Variants in FAM13B observed in about 807,000 individuals in gnomAD.
FAM13B encodes the protein family with sequence similarity 13 member B, also known as protein FAM13B.
In FAM13B, 60 loss-of-function variants were observed where a neutral mutation model predicts 117.3. That is an observed-to-expected ratio of 0.51 (90% CI 0.42 to 0.63). The LOEUF is 0.63. Ranked by LOEUF, FAM13B falls within the 30% of genes least tolerant of loss-of-function variation. The probability of loss-of-function intolerance (pLI) is 0.00; values close to 1 mark genes in which losing one functional copy is unlikely to be tolerated. For synonymous variants in FAM13B, 332 were observed against 356.1 expected, an observed-to-expected ratio of 0.93 and a Z score of 0.76; for missense variants, 972 against 1,091.9, an observed-to-expected ratio of 0.89 and a Z score of 1.55.
chr5:138,030,420 T>C (rs2151072134), intron 1 of FAM13B, among the ~76,000 whole-genome samples: 1 of 151,522 alleles, frequency 6.6e-6, no homozygotes, highest in South Asian at 2.1e-4. Flanking sequence ...CTTTTTTTTT[T>C]TTTTTTTCTG....
Position 137,988,280 on chromosome 5 carries a change from G to C in FAM13B, c.884C>G (p.Ser295Cys). Residue 295 changes from serine to cysteine, a missense_variant, in exon 8 of 24, where the codon TCT becomes TGT. Transcript: ENST00000689681. ...CTATAAATATACTACTTACTCTGTA[G>C]AGGCTGGTAGGATGCTGATGGGAGA... The part of the protein sequence containing the change: ...HISPISILPA[S>C]TDILERTIRA... 6.4e-7 allele frequency: 1 copy of C among 1,551,036 alleles called. No individual in the cohort carries two copies. Among genetic ancestry groups the C allele is most frequent in the South Asian group, 1.2e-5 (1 of 80,922 alleles).
At chr5:138,022,112 C>CAAAAAAA (rs34110085) in intron 1 of FAM13B, among the ~76,000 whole-genome samples, 1 of 135,588 alleles carries the variant, frequency 7.4e-6, no homozygotes, top group Non-Finnish European at 1.6e-5. Flanking sequence ...GATCCTGTCT[C>CAAAAAAA]AAAAAAAAAA....
In FAM13B at chr5:137,946,307, A is replaced by G; in HGVS notation, c.2165T>C (p.Met722Thr). ...ERCLPEDIKK[M>T]TKDHLVEEKA... ...CTCTTCTACCAAATGATCTTTGGTCATTTTCTGGAATTAAACAAAAAAAAT... is the reference window on the plus strand; with the variant it reads ...CTCTTCTACCAAATGATCTTTGGTCGTTTTCTGGAATTAAACAAAAAAAAT... The change falls in exon 19 of 24, where the codon ATG becomes ACG. Residue 722 changes from methionine to threonine, a missense_variant. Transcript: ENST00000689681. 1 of 1,534,960 alleles carries G rather than the reference A, an allele frequency of 6.5e-7. No homozygotes were observed.
intron 1 of FAM13B, among the ~76,000 whole-genome samples, chr5:138,042,245 C>T (rs1204667712): frequency 1.3e-5 from 2 of 152,134 alleles, no homozygotes; most frequent in Non-Finnish European, 2.9e-5. Flanking sequence ...AGAAGCCAGA[C>T]ACAAACAAAT....
intron 1 of FAM13B, among the ~76,000 whole-genome samples, chr5:138,048,033 A>G (rs1791692109): frequency 6.6e-6 from 1 of 152,200 alleles, no homozygotes; most frequent in Non-Finnish European, 1.5e-5. Flanking sequence ...AGTTTCCCCT[A>G]ATGCTAGTAC....
chr5:137,950,913 A>G (rs565994572), intron 17 of FAM13B, among the ~76,000 whole-genome samples: 1 of 152,314 alleles, frequency 6.6e-6, no homozygotes, highest in African/African-American at 2.4e-5. Context: ...AGGAGTTAAG[A>G]GACATTATCT....
At chr5:138,000,241 T>C (rs1275627672) in intron 7 of FAM13B, among the ~76,000 whole-genome samples, 1 of 151,934 alleles carries the variant, frequency 6.6e-6, no homozygotes, top group African/African-American at 2.4e-5. Context: ...TTACAACAAA[T>C]ATAAAATATT....
In FAM13B at chr5:137,954,180, T is replaced by G. The variant is rs752042467; in HGVS notation, c.1704A>C (p.Ala568=). The G allele has an allele frequency of 6.2e-7, 1 of 1,613,728 alleles. No homozygotes were observed. The highest frequency in any genetic ancestry group is 8.5e-7 in the Non-Finnish European group (1 of 1,179,816). ...AAATCATATACCTAGTAAAAGACAG[T>G]GCTTTAGATGAGGAATCCAACTTTT... is the stretch of plus-strand genomic sequence containing the variant. The part of the protein sequence containing the change: ...DPEKLDSSSK[A]LSFTRIRRSS... Residue 568 remains alanine (A), a synonymous_variant, in exon 15 of 24, where the codon GCA becomes GCC. Transcript: ENST00000689681.
At chr5:137,968,942 C>T (rs997445594) in intron 10 of FAM13B, among the ~76,000 whole-genome samples, 5 of 152,226 alleles carry the variant, frequency 3.3e-5, no homozygotes, top group Admixed American at 3.3e-4. Context: ...TATCCCGCAC[C>T]TGGCTTGGAG....
At chr5:137,942,800 T>C (rs1762250778) in intron 22 of FAM13B, 75 bp downstream of exon 22, 6 of 1,305,094 alleles carry the variant, frequency 4.6e-6, no homozygotes, top group Non-Finnish European at 6.3e-6. Context: ...TCCTTAATAC[T>C]CATTTAACAT....
intron 18 of FAM13B, 31 bp from the exon 19 acceptor site, chr5:137,946,342 C>CAAAAAAAAAAAAAACA: frequency 1.1e-6 from 1 of 919,182 alleles, no homozygotes; most frequent in East Asian, 3.3e-5. Flanking sequence ...TAACAAAATA[C>CAAAAAAAAAAAAAACA]AAAAAAAAAA....
chr5:137,989,495 T>C (rs1272695636), intron 7 of FAM13B, among the ~76,000 whole-genome samples: 1 of 152,184 alleles, frequency 6.6e-6, no homozygotes, highest in East Asian at 1.9e-4. Context: ...TTCATGCTGA[T>C]CGTCTCCAGG....
At chr5:138,021,345 C>CA (rs1786659110) in intron 1 of FAM13B, 148 bp from the exon 2 acceptor site, 1 of 535,518 alleles carries the variant, frequency 1.9e-6, no homozygotes. Context: ...AACCTAAAGG[C>CA]AAAACCTTGC....
chr5:138,040,329 G>A (rs925839818), intron 1 of FAM13B, among the ~76,000 whole-genome samples: 10 of 150,074 alleles, frequency 6.7e-5, no homozygotes, highest in African/African-American at 2.5e-4. Flanking sequence ...CAGCACTTTG[G>A]GAGGCCGAGG....
chr5:138,043,343 A>G (rs1458928362), intron 1 of FAM13B, among the ~76,000 whole-genome samples: 2 of 152,166 alleles, frequency 1.3e-5, no homozygotes, highest in Non-Finnish European at 2.9e-5. Flanking sequence ...ACCCTGGATG[A>G]CAGAGAGAGA....
At chr5:137,987,308 G>A (rs955735998) in intron 9 of FAM13B, among the ~76,000 whole-genome samples, 153 bp downstream of exon 9, 7 of 151,812 alleles carry the variant, frequency 4.6e-5, no homozygotes, top group African/African-American at 1.7e-4. Context: ...GTTAAGTATG[G>A]ATGTATATAC....
intron 15 of FAM13B, 121 bp downstream of exon 15, chr5:137,954,045 T>C: frequency 6.0e-5 from 29 of 479,814 alleles, no homozygotes; most frequent in Non-Finnish European, 6.7e-5. Flanking sequence ...CTCTCTCTTT[T>C]TTTTTTTTTT....
At chr5:138,033,293 C>T (rs754748354), upstream of FAM13B, among the ~76,000 whole-genome samples, 69 of 152,254 alleles carry the variant, frequency 4.5e-4, 1 homozygote, top group Non-Finnish European at 5.1e-4. Context: ...GTTGTGGGGT[C>T]CTCGGTATGG....
At chr5:137,973,846 A>G (rs1264120890) in intron 10 of FAM13B, among the ~76,000 whole-genome samples, 13 of 140,764 alleles carry the variant, frequency 9.2e-5, no homozygotes, top group Non-Finnish European at 2.0e-4. Context: ...CAAAAAACAC[A>G]TGAAAAAATG....
Sources: gnomAD v4.1 joint callset for allele counts (sites outside exome capture counted in the v4.1 genomes callset) on GRCh38, gnomAD v4.1.1 for gene constraint, MANE v1.5 for transcripts, NCBI Gene and HGNC (gene_info 2026-07-23, HGNC 2026-07-21) for gene names.